TCEA1: variants seen among roughly 807,000 people sequenced by gnomAD.
TCEA1 encodes the protein transcription elongation factor A1.
A neutral mutation model predicts 43.8 loss-of-function variants in TCEA1; 21 were observed. The ratio of observed to expected loss-of-function variants is 0.48; its 90% CI spans 0.34 to 0.69. The LOEUF is 0.69. TCEA1 is among the 30% of genes least tolerant of loss of function. The probability of loss-of-function intolerance (pLI) is 0.01; values close to 1 mark genes in which losing one functional copy is unlikely to be tolerated. For missense variants in TCEA1, 250 were observed against 365.1 expected, an observed-to-expected ratio of 0.68 and a Z score of 2.57; for synonymous variants, 104 against 117.5, an observed-to-expected ratio of 0.88 and a Z score of 0.75.
intron 8 of TCEA1, chr8:53,973,848 G>T (rs1047605514): frequency 8.2e-6 from 3 of 363,908 alleles, no homozygotes; most frequent in Admixed American, 8.5e-5. Context: ...CTGGCAAAGA[G>T]AACAGAAAAA....
chr8:54,017,098 G>A (rs1804856148), intron 1 of TCEA1, among the ~76,000 whole-genome samples: 1 of 151,840 alleles, frequency 6.6e-6, no homozygotes, highest in Non-Finnish European at 1.5e-5. Context: ...CAGACAGAAA[G>A]TATATTAGTG....
At chr8:53,997,252 A>G (rs1804091767) in intron 3 of TCEA1, among the ~76,000 whole-genome samples, 1 of 152,092 alleles carries the variant, frequency 6.6e-6, no homozygotes, top group Admixed American at 6.6e-5. Flanking sequence ...TAAGTATTGA[A>G]GCAGAGGAGT....
chr8:53,972,694 C>G (rs867637754), intron 8 of TCEA1: 2 of 642,188 alleles, frequency 3.1e-6, no homozygotes, highest in African/African-American at 3.6e-5. Flanking sequence ...CCTGAAGATG[C>G]CCCAAAAAAG....
rs557599447 is a variant in TCEA1 at position 53,988,235 on chromosome 8, G to T, written c.345C>A (p.Asn115Lys). ...EESTSSGNVS[N>K]RKDETNARDT... ...CTCGAGCATTTGTCTCATCCTTTCT[G>T]TTGCTTACATTGCCGCTGGAAGTAC... The change falls in exon 5 of 10, where the codon AAC becomes AAA. Residue 115 changes from asparagine to lysine, a missense_variant. Coordinates refer to ENST00000521604, the MANE Select transcript of TCEA1 (RefSeq NM_006756.4). The T allele has an allele frequency of 1.2e-4, 196 of 1,613,510 alleles. 5 individuals carry two copies. The South Asian group carries it at 2.0e-3, about 17-fold the overall frequency.
intron 4 of TCEA1, among the ~76,000 whole-genome samples, chr8:53,992,270 C>T (rs1040535780): frequency 2.0e-5 from 3 of 151,600 alleles, no homozygotes; most frequent in African/African-American, 7.3e-5. Context: ...CGAGATCGTG[C>T]CACTGCCTTC....
In TCEA1 at chr8:54,000,556, T is replaced by C. The variant is rs186424100; in HGVS notation, c.127-506A>G. 2.8e-3 allele frequency among the ~76,000 whole-genome samples: 420 copies of C among 152,242 alleles called. 2 individuals carry two copies. Among genetic ancestry groups the C allele is most frequent in the Middle Eastern group, 6.8e-3 (2 of 294 alleles). ...GGAACCAGCATATAATCAGAGACAT[T>C]AAAATGCACTTCACAAAATACAGGT... On this transcript the variant is annotated intron_variant, in intron 2 of 9. Coordinates refer to ENST00000521604, the MANE Select transcript of TCEA1 (RefSeq NM_006756.4).
In TCEA1 at chr8:54,021,957, C is replaced by T. The variant is rs1805050857; in HGVS notation, c.63+106G>A. The T allele has an allele frequency of 2.6e-6, 3 of 1,141,526 alleles. No homozygotes were observed. In the East Asian group the frequency reaches 1.1e-4, roughly 41 times the overall value. 70.7% of individuals were successfully genotyped at this position (1,141,526 alleles called of 1,614,324 possible). On this transcript the variant is annotated intron_variant, in intron 1 of 9. Transcript: ENST00000521604. ...GGGCGCGGCGGGCCCGGCTCCCAGA[C>T]GGGAGGCTGCAGGGGGAGGGGAGGG...
At chr8:53,970,582 AG>A (rs1182469717) in intron 8 of TCEA1, 119 bp from the exon 9 acceptor site, 2 of 578,532 alleles carry the variant, frequency 3.5e-6, no homozygotes, top group Non-Finnish European at 6.0e-6. Context: ...TAAAATGAAT[AG>A]AAGTCTGAAA....
chr8:53,993,089 A>C (rs953113625), intron 4 of TCEA1, among the ~76,000 whole-genome samples: 3 of 149,398 alleles, frequency 2.0e-5, no homozygotes, highest in Non-Finnish European at 4.4e-5. Flanking sequence ...AGTAGCTGGG[A>C]CTATAGACAC....
intron 2 of TCEA1, chr8:54,010,043 GAA>G (rs1159554987): frequency 1.1e-5 from 2 of 183,686 alleles, no homozygotes; most frequent in Non-Finnish European, 2.2e-5. Context: ...AAAAAAAAAA[GAA>G]AAAAAAAGGG....
At chr8:54,017,131 T>C (rs977715349) in intron 1 of TCEA1, among the ~76,000 whole-genome samples, 4 of 151,700 alleles carry the variant, frequency 2.6e-5, no homozygotes, top group African/African-American at 9.7e-5. Context: ...GTGTGAGAAA[T>C]TGGTGGGGGC....
intron 4 of TCEA1, among the ~76,000 whole-genome samples, chr8:53,990,610 A>G (rs1019565856): frequency 2.0e-5 from 3 of 151,928 alleles, no homozygotes; most frequent in Non-Finnish European, 4.4e-5. Flanking sequence ...TGATCCCCCT[A>G]CCTTGACCTC....
At position 53,970,531 on chromosome 8, in the gene TCEA1, T is replaced by C. The variant is rs114004388; in HGVS notation, c.826-68A>G. Reference sequence around the variant, plus strand: ...AAAAAACCCAACCCAAATAATGTTATACATAAAGATATATATTTAATAAAT... The same window carrying C: ...AAAAAACCCAACCCAAATAATGTTACACATAAAGATATATATTTAATAAAT... On this transcript the variant is annotated intron_variant, in intron 8 of 9. Coordinates refer to ENST00000521604, the MANE Select transcript of TCEA1 (RefSeq NM_006756.4). 1.2e-3 allele frequency: 906 copies of C among 744,386 alleles called. 6 individuals carry two copies. The African/African-American group carries it at 0.014, about 12-fold the overall frequency. 46.1% of individuals were successfully genotyped at this position (744,386 alleles called of 1,614,324 possible).
chr8:54,021,149 A>G (rs1392782060), intron 1 of TCEA1, among the ~76,000 whole-genome samples: 1 of 152,186 alleles, frequency 6.6e-6, no homozygotes, highest in Non-Finnish European at 1.5e-5. Context: ...AGATCAAGCC[A>G]TTGCACTCCA....
At position 53,970,387 on chromosome 8, in the gene TCEA1, C is replaced by T. The variant is rs1161239899; in HGVS notation, c.897+5G>A. On this transcript the variant is annotated splice_donor_5th_base_variant and intron_variant, in intron 9 of 9. Coordinates refer to ENST00000521604, the MANE Select transcript of TCEA1 (RefSeq NM_006756.4). Reference sequence around the variant, plus strand: ...TATATAATATGAATCCAAGAGAGTCCATACCTTCCATCGATTTCCACATTC... The same window carrying T: ...TATATAATATGAATCCAAGAGAGTCTATACCTTCCATCGATTTCCACATTC... 6.3e-7 allele frequency: 1 copy of T among 1,591,502 alleles called. No individual in the cohort carries two copies. The highest frequency in any genetic ancestry group is 8.6e-7 in the Non-Finnish European group (1 of 1,160,860).
chr8:53,996,475 T>C (rs1586016386), intron 3 of TCEA1, among the ~76,000 whole-genome samples: 1 of 152,240 alleles, frequency 6.6e-6, no homozygotes, highest in African/African-American at 2.4e-5. Context: ...AGGTCAATGC[T>C]TGGCACATCT....
At chr8:54,018,036 ATT>A (rs1804893564) in intron 1 of TCEA1, among the ~76,000 whole-genome samples, 3 of 152,304 alleles carry the variant, frequency 2.0e-5, no homozygotes, top group Admixed American at 2.0e-4. Flanking sequence ...ATTTAATTCT[ATT>A]TCTCGATAAA....
At chr8:53,976,038 C>CA (rs1360956645) in intron 8 of TCEA1, among the ~76,000 whole-genome samples, 1 of 152,058 alleles carries the variant, frequency 6.6e-6, no homozygotes, top group Non-Finnish European at 1.5e-5. Flanking sequence ...TCAAAGGTCT[C>CA]AAAAACAGAA....
chr8:53,977,012 T>C (rs1243226082), intron 8 of TCEA1, among the ~76,000 whole-genome samples: 1 of 152,174 alleles, frequency 6.6e-6, no homozygotes, highest in Non-Finnish European at 1.5e-5. Context: ...ACATTTTCCA[T>C]ATGTGTTTAG....
Sources: allele counts gnomAD v4.1 joint callset (sites outside exome capture counted in the v4.1 genomes callset), GRCh38; gene constraint gnomAD v4.1.1; transcripts MANE v1.5; gene names NCBI Gene and HGNC (gene_info 2026-07-23, HGNC 2026-07-21).